KIAA0825: variants seen among roughly 807,000 people sequenced by gnomAD.
KIAA0825 encodes KIAA0825.
In KIAA0825, 119 loss-of-function variants were observed where a neutral mutation model predicts 147.6. The ratio of observed to expected loss-of-function variants is 0.81; its 90% CI spans 0.69 to 0.94. The LOEUF is 0.94. Among genes scored for constraint, KIAA0825 ranks in the 40% least tolerant of loss-of-function variants. The pLI, the probability that KIAA0825 is intolerant of heterozygous loss-of-function variation, is 0.00. For synonymous variants in KIAA0825, 470 were observed against 518.1 expected, an observed-to-expected ratio of 0.91 and a Z score of 1.26; for missense variants, 1,381 against 1,472.7, an observed-to-expected ratio of 0.94 and a Z score of 1.02.
chr5:94,232,181 A>G (rs942450700), intron 20 of KIAA0825, among the ~76,000 whole-genome samples: 1 of 152,126 alleles, frequency 6.6e-6, no homozygotes, highest in Non-Finnish European at 1.5e-5. Flanking sequence ...CAAATGGTCA[A>G]AGAAGCTTAC....
chr5:94,404,962 G>A (rs308204), intron 15 of KIAA0825, among the ~76,000 whole-genome samples: 554 of 151,888 alleles, frequency 3.6e-3, no homozygotes, highest in African/African-American at 0.013. Context: ...TTCCACGACT[G>A]TATTTAAGAC....
At chr5:94,248,142 T>C (rs1442007673) in intron 20 of KIAA0825, among the ~76,000 whole-genome samples, 1 of 152,280 alleles carries the variant, frequency 6.6e-6, no homozygotes, top group South Asian at 2.1e-4. Flanking sequence ...TTTTAGGGTA[T>C]TGCTAAAATG....
rs1024391656 is a variant in KIAA0825, at chr5:94,352,182, T to A, written c.3710+32186A>T. 6.6e-5 allele frequency among the ~76,000 whole-genome samples: 10 copies of A among 152,208 alleles called. 1 individual carries two copies. Among genetic ancestry groups the A allele is most frequent in the African/African-American group, 2.4e-4 (10 of 41,538 alleles). ...ACAATCTATACATCTGACAAAGGAC[T>A]CATATCCAGAATTTACAAAGAACTC... On this transcript the variant is annotated intron_variant, in intron 20 of 20. Transcript: ENST00000682413.
chr5:94,165,707 G>C (rs989116644), intron 20 of KIAA0825, among the ~76,000 whole-genome samples: 1 of 152,152 alleles, frequency 6.6e-6, no homozygotes, highest in Non-Finnish European at 1.5e-5. Context: ...GCAACAGCAC[G>C]GATGGAACTG....
chr5:94,573,276 T>G (rs1780324703), intron 2 of KIAA0825, among the ~76,000 whole-genome samples: 1 of 149,146 alleles, frequency 6.7e-6, no homozygotes, highest in Non-Finnish European at 1.5e-5. Flanking sequence ...AAGTGTTTTT[T>G]TTTTTTTTTT....
At chr5:94,416,301 T>G (rs1433439096) in intron 15 of KIAA0825, 2 of 152,170 alleles carry the variant, frequency 1.3e-5, no homozygotes, top group African/African-American at 4.8e-5. Context: ...TAGAATGATA[T>G]TCAAGTAATA....
chr5:94,348,685 C>CA (rs1783291055), intron 20 of KIAA0825, among the ~76,000 whole-genome samples: 1 of 152,026 alleles, frequency 6.6e-6, no homozygotes, highest in South Asian at 2.1e-4. Flanking sequence ...TCAAACAAAA[C>CA]AAACTTTAAA....
chr5:94,389,899 C>CA (rs1749673010), intron 18 of KIAA0825, among the ~76,000 whole-genome samples: 2 of 152,338 alleles, frequency 1.3e-5, no homozygotes, highest in Admixed American at 1.3e-4. Context: ...ATGCCTCATT[C>CA]AGCCCAGTAA....
intron 5 of KIAA0825, among the ~76,000 whole-genome samples, chr5:94,487,898 A>G (rs1240888034): frequency 4.0e-4 from 61 of 152,128 alleles, no homozygotes; most frequent in Admixed American, 4.0e-3. Flanking sequence ...AGCTGCAGTG[A>G]GCCAAGATTG....
rs77728153 is a variant in KIAA0825, at chr5:94,328,524, A to G, written c.3710+55844T>C. ...TTAAAAGGAGATTGATTAAATGAGA[A>G]CATAGCGTGATATAAAAAAATCAGC... On this transcript the variant is annotated intron_variant, in intron 20 of 20. Transcript: ENST00000682413. Among the ~76,000 whole-genome samples the G allele has an allele frequency of 2.6e-4, 40 of 152,214 alleles. 1 individual carries two copies. In the East Asian group the frequency reaches 5.6e-3, roughly 21 times the overall value.
intron 1 of KIAA0825, among the ~76,000 whole-genome samples, chr5:94,608,936 A>T (rs989087373): frequency 6.6e-6 from 1 of 152,090 alleles, no homozygotes; most frequent in African/African-American, 2.4e-5. Flanking sequence ...ATGAATCAAT[A>T]TTTTCCAAAA....
At chr5:94,187,472 G>A (rs1052487136) in intron 20 of KIAA0825, among the ~76,000 whole-genome samples, 5 of 148,034 alleles carry the variant, frequency 3.4e-5, no homozygotes, top group Non-Finnish European at 5.9e-5. Context: ...TGTCGCCCAG[G>A]CTGGAGTGCA....
intron 3 of KIAA0825, among the ~76,000 whole-genome samples, chr5:94,535,932 G>C (rs1281827952): frequency 1.3e-5 from 2 of 152,184 alleles, no homozygotes. Context: ...TTAATAACAT[G>C]TAATGTAATG....
At chr5:94,564,962 C>CTT (rs1778347692) in intron 2 of KIAA0825, among the ~76,000 whole-genome samples, 1 of 133,846 alleles carries the variant, frequency 7.5e-6, no homozygotes, top group Non-Finnish European at 1.6e-5. Context: ...CTTTTCTTTT[C>CTT]TTTTCTTTTT....
At chr5:94,418,582 A>G (rs1753778399) in intron 14 of KIAA0825, among the ~76,000 whole-genome samples, 1 of 151,850 alleles carries the variant, frequency 6.6e-6, no homozygotes, top group African/African-American at 2.4e-5. Flanking sequence ...TATTGCATCA[A>G]CAGTGACTGG....
intron 5 of KIAA0825, among the ~76,000 whole-genome samples, chr5:94,503,020 A>G (rs1434746274): frequency 6.6e-6 from 1 of 151,160 alleles, no homozygotes; most frequent in African/African-American, 2.4e-5. Context: ...GAGGGAGAAG[A>G]ATCGATTGAA....
At chr5:94,606,575 A>C (rs1337168830) in intron 1 of KIAA0825, among the ~76,000 whole-genome samples, 1 of 152,220 alleles carries the variant, frequency 6.6e-6, no homozygotes, top group Non-Finnish European at 1.5e-5. Flanking sequence ...CCAAAGGAAC[A>C]GAATAGGGAG....
chr5:94,524,776 T>C (rs904906957), intron 3 of KIAA0825, among the ~76,000 whole-genome samples: 1 of 151,828 alleles, frequency 6.6e-6, no homozygotes, highest in Admixed American at 6.6e-5. Context: ...TTTCTAAATA[T>C]TTATAAGGCA....
intron 5 of KIAA0825, among the ~76,000 whole-genome samples, chr5:94,511,231 G>T (rs996059754): frequency 1.3e-5 from 2 of 152,132 alleles, no homozygotes; most frequent in African/African-American, 4.8e-5. Context: ...ATAAATGTTC[G>T]TTGTTATATT....
Sources: gnomAD v4.1 joint callset for allele counts (sites outside exome capture counted in the v4.1 genomes callset) on GRCh38, gnomAD v4.1.1 for gene constraint, MANE v1.5 for transcripts, NCBI Gene and HGNC (gene_info 2026-07-23, HGNC 2026-07-21) for gene names.